The following XPO6 variants were observed in gnomAD, a reference collection of about 807,000 sequenced individuals.
XPO6 encodes exportin 6, also known as exportin-6.
XPO6 carries 3 observed loss-of-function variants against 130.0 expected under a neutral mutation model. That is an observed-to-expected ratio of 0.02 (90% confidence interval 0.01 to 0.06). XPO6 has a LOEUF of 0.06. Among genes scored for constraint, XPO6 ranks in the 10% least tolerant of loss-of-function variants. The probability of loss-of-function intolerance (pLI) is 1.00; values close to 1 mark genes in which losing one functional copy is unlikely to be tolerated. For missense variants in XPO6, 970 were observed against 1,393.0 expected (o/e 0.70, Z 4.83); for synonymous variants, 524 against 548.9 (o/e 0.95, Z 0.63).
intron 9 of XPO6, 116 bp downstream of exon 9, chr16:28,145,978 A>C: frequency 5.7e-6 from 4 of 706,620 alleles, no homozygotes; most frequent in Non-Finnish European, 9.8e-6. Flanking sequence ...ATTATTGCCT[A>C]AACAGCTTAC....
chr16:28,162,246 C>T (rs1045712172), intron 6 of XPO6, among the ~76,000 whole-genome samples: 1 of 152,218 alleles, frequency 6.6e-6, no homozygotes, highest in African/African-American at 2.4e-5. Context: ...CCTGTTAAGG[C>T]TATTTCTCCA....
chr16:28,146,412 T>C, intron 8 of XPO6: 1 of 512,790 alleles, frequency 2.0e-6, no homozygotes, highest in South Asian at 2.9e-5. Context: ...ATGGAACACA[T>C]CATGAGGGAG....
chr16:28,146,149 A>G lies in XPO6; in HGVS notation c.1279T>C (p.Tyr427His). The change falls in exon 9 of 24, where the codon TAT becomes CAT. Residue 427 changes from tyrosine to histidine, a missense_variant. Tyr to His is a moderately conservative substitution (Grantham distance 83). Around this residue, in one of 4 missense-constraint regions of XPO6, gnomAD observed 936 missense variants for 1,306.8 expected, o/e 0.72. Transcript: ENST00000304658. ...CGACTTTTAATTTTACTTGTCAGATAGTCCAAAAACAGCGTCCAGATATCC... is the reference window on the plus strand; with the variant it reads ...CGACTTTTAATTTTACTTGTCAGATGGTCCAAAAACAGCGTCCAGATATCC... ...CLDIWTLFLD[Y>H]LTSKIKSRLG... 1 of 1,614,164 alleles carries G rather than the reference A, an allele frequency of 6.2e-7. No homozygotes were observed. The highest frequency in any genetic ancestry group is 8.5e-7 in the Non-Finnish European group (1 of 1,180,000).
At chr16:28,196,991 G>A (rs889648611) in intron 1 of XPO6, among the ~76,000 whole-genome samples, 1 of 152,110 alleles carries the variant, frequency 6.6e-6, no homozygotes, top group Non-Finnish European at 1.5e-5. Context: ...ACACAAAACA[G>A]ACTAAAACAT....
Position 28,188,444 on chromosome 16 carries a change from G to C in XPO6, c.4-7413C>G, listed in dbSNP as rs543916032. Among the ~76,000 whole-genome samples, 8 of 152,216 alleles carry C rather than the reference G, an allele frequency of 5.3e-5. No individual in the cohort carries two copies. In the East Asian group the frequency reaches 1.5e-3, roughly 29 times the overall value. Reference sequence around the variant, plus strand: ...ATATCCCTGTGGCATATCTAGAACAGTGTCATTACCCTATTTGCTGTATAT... The same window carrying C: ...ATATCCCTGTGGCATATCTAGAACACTGTCATTACCCTATTTGCTGTATAT... On this transcript the variant is annotated intron_variant, in intron 1 of 23. Transcript: ENST00000304658.
chr16:28,177,141 G>T, intron 3 of XPO6, 79 bp downstream of exon 3: 2 of 915,132 alleles, frequency 2.2e-6, no homozygotes, highest in Non-Finnish European at 1.6e-6. Context: ...GCACATTACA[G>T]CTCTAGTCTA....
chr16:28,130,279 C>T (rs1446646472), intron 12 of XPO6, among the ~76,000 whole-genome samples: 1 of 152,256 alleles, frequency 6.6e-6, no homozygotes, highest in Non-Finnish European at 1.5e-5. Context: ...AGAATCGCGG[C>T]TGGCGCCCAT....
At chr16:28,139,948 C>T (rs1425153158) in intron 9 of XPO6, among the ~76,000 whole-genome samples, 1 of 152,190 alleles carries the variant, frequency 6.6e-6, no homozygotes, top group Non-Finnish European at 1.5e-5. Flanking sequence ...ACAACATGTA[C>T]AGGCTGGGCG....
chr16:28,205,876 A>C (rs758899867), intron 1 of XPO6, among the ~76,000 whole-genome samples: 10 of 151,856 alleles, frequency 6.6e-5, no homozygotes, highest in Non-Finnish European at 1.3e-4. Flanking sequence ...CATCTCTACT[A>C]AAAATACAAA....
At chr16:28,176,685 T>C (rs1435398767) in intron 3 of XPO6, among the ~76,000 whole-genome samples, 1 of 150,346 alleles carries the variant, frequency 6.7e-6, no homozygotes, top group Non-Finnish European at 1.5e-5. Flanking sequence ...TTTTTTTGCA[T>C]TTTTAGTAGA....
intron 13 of XPO6, 123 bp downstream of exon 13, chr16:28,125,566 G>C: frequency 7.9e-7 from 1 of 1,258,812 alleles, no homozygotes; most frequent in Non-Finnish European, 1.1e-6. Flanking sequence ...GCTTGTATGT[G>C]GCAGAGCCTA....
chr16:28,148,703 C>T (rs1179254407), intron 8 of XPO6, among the ~76,000 whole-genome samples: 1 of 152,170 alleles, frequency 6.6e-6, no homozygotes, highest in African/African-American at 2.4e-5. Flanking sequence ...CCAGTCGTAT[C>T]TTGCCCAAGG....
At chr16:28,186,374 C>CTTTTTTTTTTTTTTTTTTT (rs60754642) in intron 1 of XPO6, among the ~76,000 whole-genome samples, 1,573 of 81,404 alleles carry the variant, frequency 0.019, 323 homozygotes, top group Non-Finnish European at 0.024. Flanking sequence ...CCCAGTTATT[C>CTTTTTTTTTTTTTTTTTTT]TTTTTTTTTT....
intron 6 of XPO6, 81 bp from the exon 7 acceptor site, chr16:28,156,608 ATAT>A: frequency 9.2e-6 from 8 of 872,406 alleles, no homozygotes; most frequent in Non-Finnish European, 1.3e-5. Context: ...TCAAAAAAAT[ATAT>A]ATATATATGT....
chr16:28,115,338 A>G (rs2087028802), intron 15 of XPO6, among the ~76,000 whole-genome samples: 1 of 152,250 alleles, frequency 6.6e-6, no homozygotes, highest in Non-Finnish European at 1.5e-5. Flanking sequence ...CCCATGGGCT[A>G]CAGAACTACA....
intron 12 of XPO6, among the ~76,000 whole-genome samples, chr16:28,129,048 TG>T (rs2042616589): frequency 6.6e-6 from 1 of 152,202 alleles, no homozygotes; most frequent in Non-Finnish European, 1.5e-5. Flanking sequence ...GTGCTGGGTG[TG>T]TGTTTTAAAC....
Position 28,132,204 on chromosome 16 carries a change from T to C in XPO6, c.1606+130A>G. 1 of 711,922 alleles carries C rather than the reference T, an allele frequency of 1.4e-6. No individual in the cohort carries two copies. Among genetic ancestry groups the C allele is most frequent in the Non-Finnish European group, 2.4e-6 (1 of 414,906 alleles). 44.1% of individuals were successfully genotyped at this position (711,922 alleles called of 1,614,324 possible). On this transcript the variant is annotated intron_variant, in intron 12 of 23. Coordinates refer to ENST00000304658, the MANE Select transcript of XPO6 (RefSeq NM_015171.4). The surrounding 1 kb of genome is among the most constrained non-coding windows in gnomAD (Gnocchi z 4.0). ...TTTAAAAACGTTCCCTGTTTCGAAG[T>C]GGGGAGAGATGCCAGTGGGGAGGCT... is the stretch of plus-strand genomic sequence containing the variant.
intron 1 of XPO6, among the ~76,000 whole-genome samples, chr16:28,194,907 C>G (rs2043835334): frequency 6.6e-6 from 1 of 151,146 alleles, no homozygotes; most frequent in Admixed American, 6.6e-5. Context: ...CAGCCAAACC[C>G]AAACTCACCC....
intron 8 of XPO6, among the ~76,000 whole-genome samples, chr16:28,147,228 C>A (rs766060635): frequency 2.0e-5 from 3 of 152,066 alleles, no homozygotes; most frequent in Non-Finnish European, 4.4e-5. Flanking sequence ...GTGGTGGTAT[C>A]CAGTGGGAGT....
Sources: gnomAD v4.1 joint callset for allele counts (sites outside exome capture counted in the v4.1 genomes callset) on GRCh38, gnomAD v4.1.1 for gene constraint, gnomAD v4.1.1 regional missense constraint, Gnocchi (gnomAD v3.1) non-coding constraint, MANE v1.5 for transcripts, NCBI Gene and HGNC (gene_info 2026-07-23, HGNC 2026-07-21) for gene names.